OPCML: variants seen among roughly 807,000 people sequenced by gnomAD.
OPCML encodes the protein opioid-binding protein/cell adhesion molecule.
Under a neutral mutation model 37.8 loss-of-function variants are expected in OPCML, and 13 were observed. That is an observed-to-expected ratio of 0.34 (90% CI 0.22 to 0.55). OPCML has a LOEUF of 0.55. Ranked by LOEUF, OPCML falls within the 20% of genes least tolerant of loss-of-function variation. OPCML has a pLI of 0.91. For missense variants in OPCML, 341 were observed against 435.6 expected (o/e 0.78, Z 1.93); for synonymous variants, 176 against 168.8 (o/e 1.04, Z -0.33).
chr11:133,400,122 T>C (rs998727181), intron 1 of OPCML, among the ~76,000 whole-genome samples: 1 of 152,170 alleles, frequency 6.6e-6, no homozygotes, highest in African/African-American at 2.4e-5. Context: ...CCATTACTGC[T>C]TCAGCTTTTC....
At chr11:132,648,114 C>T (rs1591669153) in intron 3 of OPCML, among the ~76,000 whole-genome samples, 2 of 152,214 alleles carry the variant, frequency 1.3e-5, no homozygotes, top group Non-Finnish European at 2.9e-5. Flanking sequence ...TCTGAATTCA[C>T]AGTTTACTTG....
chr11:133,141,104 A>AAGAAGAAGAAGAAGAAGAAGAAGAAGC (rs1565469412), intron 1 of OPCML, among the ~76,000 whole-genome samples: 1 of 135,184 alleles, frequency 7.4e-6, no homozygotes, highest in African/African-American at 2.7e-5. Context: ...GGAGAAGAAG[A>AAGAAGAAGAAGAAGAAGAAGAAGAAGC]AGCAGCTGAA....
intron 1 of OPCML, among the ~76,000 whole-genome samples, chr11:133,362,451 G>A (rs1944444592): frequency 6.6e-6 from 1 of 152,154 alleles, no homozygotes; most frequent in Non-Finnish European, 1.5e-5. Context: ...CACCCAGGGA[G>A]CAGTGCGGCT....
Position 132,639,277 on chromosome 11 carries a change from G to A in OPCML, c.379+17810C>T, listed in dbSNP as rs548557774. Among the ~76,000 whole-genome samples, 7 of 152,270 alleles carry A rather than the reference G, an allele frequency of 4.6e-5. No homozygotes were observed. The South Asian group carries it at 1.2e-3, about 27-fold the overall frequency. On this transcript the variant is annotated intron_variant, in intron 3 of 7. Coordinates refer to ENST00000524381, the MANE Select transcript of OPCML (RefSeq NM_001012393.5). Reference sequence around the variant, plus strand: ...GAGAAGCTTAGGTGCCTAGAAAACAGGTTTACTGAGAAGAAAGTTCCGGCA... The same window carrying A: ...GAGAAGCTTAGGTGCCTAGAAAACAAGTTTACTGAGAAGAAAGTTCCGGCA...
intron 1 of OPCML, among the ~76,000 whole-genome samples, chr11:133,167,034 G>C (rs1245320915): frequency 6.6e-6 from 1 of 152,120 alleles, no homozygotes; most frequent in Admixed American, 6.5e-5. Flanking sequence ...TCAGTGCCTA[G>C]AAGTAGGAAG....
intron 1 of OPCML, among the ~76,000 whole-genome samples, chr11:133,311,724 G>C (rs556140346): frequency 1.3e-5 from 2 of 152,314 alleles, no homozygotes; most frequent in South Asian, 4.1e-4. Context: ...CCACACTGTG[G>C]GCAGGAGTCC....
At chr11:132,753,142 C>A (rs141430632) in intron 2 of OPCML, among the ~76,000 whole-genome samples, 1 of 152,144 alleles carries the variant, frequency 6.6e-6, no homozygotes, top group Admixed American at 6.6e-5. Context: ...ACTACTCCCC[C>A]TCCCTATCTG....
rs2096146782 is a variant in OPCML at position 132,474,090 on chromosome 11, T to C, written c.506-36731A>G. Among the ~76,000 whole-genome samples the C allele has an allele frequency of 2.6e-5, 4 of 152,006 alleles. No homozygotes were observed. In the South Asian group the frequency reaches 8.3e-4, roughly 32 times the overall value. ...TGATGGAGAGGAGCCTGCTCGGGCC[T>C]GTGGGAGGGGACGACTGGCCTACAT... On this transcript the variant is annotated intron_variant, in intron 4 of 7. Transcript: ENST00000524381.
rs146760579 is a variant in OPCML at position 132,843,467 on chromosome 11, A to C, written c.146+99459T>G. On this transcript the variant is annotated intron_variant, in intron 2 of 7. Coordinates refer to ENST00000524381, the MANE Select transcript of OPCML (RefSeq NM_001012393.5). ...AAGATTCTGATGCAACGGTTCTAGA[A>C]AAGGGTACTTTGGAAAAACTGATAC... is the stretch of plus-strand genomic sequence containing the variant. 3.9e-5 allele frequency among the ~76,000 whole-genome samples: 6 copies of C among 152,264 alleles called. No individual in the cohort carries two copies. In the East Asian group the frequency reaches 1.2e-3, roughly 29 times the overall value.
rs576450976 is a variant in OPCML at position 132,685,451 on chromosome 11, C to T, written c.147-28132G>A. On this transcript the variant is annotated intron_variant, in intron 2 of 7. Transcript: ENST00000524381. Reference sequence around the variant, plus strand: ...GGTGCTATCATTTTTCATGACACACCGGGTCACGACATCCCAGTCTGGAGC... The same window carrying T: ...GGTGCTATCATTTTTCATGACACACTGGGTCACGACATCCCAGTCTGGAGC... Among the ~76,000 whole-genome samples the T allele has an allele frequency of 5.9e-5, 9 of 152,214 alleles. No individual in the cohort carries two copies. The East Asian group carries it at 1.2e-3, about 20-fold the overall frequency.
At chr11:132,438,588 G>T (rs1285620892) in intron 4 of OPCML, among the ~76,000 whole-genome samples, 1 of 151,926 alleles carries the variant, frequency 6.6e-6, no homozygotes, top group Non-Finnish European at 1.5e-5. Flanking sequence ...GGAAGGTGGG[G>T]ACAGTGTGTA....
intron 3 of OPCML, among the ~76,000 whole-genome samples, chr11:132,550,128 G>C (rs117462036): frequency 6.6e-6 from 1 of 152,148 alleles, no homozygotes; most frequent in Non-Finnish European, 1.5e-5. Context: ...TGACAGCTGA[G>C]ATCATATAAA....
chr11:132,947,865 A>T (rs1565361257), intron 1 of OPCML, among the ~76,000 whole-genome samples: 1 of 152,126 alleles, frequency 6.6e-6, no homozygotes, highest in Non-Finnish European at 1.5e-5. Flanking sequence ...AATTATTTTA[A>T]ATTTTGGAGT....
intron 1 of OPCML, among the ~76,000 whole-genome samples, chr11:133,387,342 T>C (rs904392540): frequency 2.0e-5 from 3 of 152,186 alleles, no homozygotes; most frequent in Non-Finnish European, 2.9e-5. Context: ...CAAAAGGTCC[T>C]TAAGGAAAAG....
chr11:132,582,944 C>T (rs1240826490), intron 3 of OPCML, among the ~76,000 whole-genome samples: 2 of 149,322 alleles, frequency 1.3e-5, no homozygotes, highest in Admixed American at 6.7e-5. Flanking sequence ...CTCCCAGGCT[C>T]AATGCATTCT....
At chr11:133,444,209 A>G (rs1946424520) in intron 1 of OPCML, among the ~76,000 whole-genome samples, 1 of 152,156 alleles carries the variant, frequency 6.6e-6, no homozygotes. Context: ...GTTTAAGCAG[A>G]GGAGGACGTA....
chr11:133,066,154 G>A (rs541790171), intron 1 of OPCML: 46 of 152,640 alleles, frequency 3.0e-4, no homozygotes, highest in African/African-American at 1.1e-3. Context: ...CCATGGCCTG[G>A]GTGGTTAAGG....
At chr11:133,377,858 G>C (rs1020958102) in intron 1 of OPCML, among the ~76,000 whole-genome samples, 1 of 152,128 alleles carries the variant, frequency 6.6e-6, no homozygotes, top group Non-Finnish European at 1.5e-5. Flanking sequence ...AGGGAAAATG[G>C]CCCTGGAGCA....
intron 2 of OPCML, among the ~76,000 whole-genome samples, chr11:132,728,541 T>A (rs974440693): frequency 3.3e-5 from 5 of 152,212 alleles, no homozygotes; most frequent in African/African-American, 4.8e-5. Flanking sequence ...GCATTTTTTT[T>A]AATCACCTGC....
Sources: allele counts gnomAD v4.1 joint callset (sites outside exome capture counted in the v4.1 genomes callset), GRCh38; gene constraint gnomAD v4.1.1; transcripts MANE v1.5; gene names NCBI Gene and HGNC (gene_info 2026-07-23, HGNC 2026-07-21).